ANOS1: variants seen among roughly 807,000 people sequenced by gnomAD.
ANOS1 encodes the protein anosmin 1, also known as anosmin-1.
A neutral mutation model predicts 59.0 loss-of-function variants in ANOS1; 6 were observed. That is an observed-to-expected ratio of 0.10 (90% CI 0.06 to 0.20). The LOEUF is 0.20. ANOS1 is among the 10% of genes least tolerant of loss of function. ANOS1 has a pLI of 1.00. For missense variants in ANOS1, 433 were observed against 542.3 expected, an observed-to-expected ratio of 0.80 and a Z score of 2.00; for synonymous variants, 217 against 223.4, an observed-to-expected ratio of 0.97 and a Z score of 0.25.
chrX:8,568,120 T>C, intron 8 of ANOS1, 112 bp downstream of exon 8: 2 of 762,492 alleles, frequency 2.6e-6, no homozygotes, highest in Non-Finnish European at 3.9e-6. Flanking sequence ...GTAAGAAGAT[T>C]TGCCATATAA....
At chrX:8,608,732 G>C (rs752421757) in intron 3 of ANOS1, among the ~76,000 whole-genome samples, 10 of 111,416 alleles carry the variant, frequency 9.0e-5, no homozygotes, top group Non-Finnish European at 1.3e-4. Context: ...AATCATGGGG[G>C]CAGTTTCCCC....
rs373134745 is a variant in ANOS1 at position 8,620,990 on chromosome X, C to T, written c.318+2618G>A. Among the ~76,000 whole-genome samples, 11 of 111,591 alleles carry T rather than the reference C, an allele frequency of 9.9e-5. No homozygotes were observed. In the East Asian group the frequency reaches 1.7e-3, roughly 17 times the overall value. ...CCTTCAATTATATCTTCCTTCTCAG[C>T]GATCAGATGTAAAAATATCAGCCCA... On this transcript the variant is annotated intron_variant, in intron 3 of 13. Transcript: ENST00000262648.
chrX:8,676,590 A>G (rs1932341137), intron 2 of ANOS1, among the ~76,000 whole-genome samples: 1 of 112,242 alleles, frequency 8.9e-6, no homozygotes, highest in Admixed American at 9.4e-5. Context: ...TAACTGTCAC[A>G]TAAAGACCTG....
intron 2 of ANOS1, among the ~76,000 whole-genome samples, chrX:8,633,679 A>G (rs5933673): frequency 0.37 from 41,117 of 110,860 alleles, 5,874 homozygotes; most frequent in Middle Eastern, 0.55. Flanking sequence ...AATGGGGGAA[A>G]AAAGCAAAAC....
chrX:8,633,060 C>T (rs1331616741), intron 2 of ANOS1, among the ~76,000 whole-genome samples: 1 of 111,565 alleles, frequency 9.0e-6, no homozygotes, highest in Non-Finnish European at 1.9e-5. Context: ...TCGAAAAGTG[C>T]ACTGTGTCTT....
At chrX:8,666,329 C>T (rs759493549) in intron 2 of ANOS1, among the ~76,000 whole-genome samples, 11 of 111,614 alleles carry the variant, frequency 9.9e-5, no homozygotes, top group East Asian at 5.6e-4. Context: ...AAGAATAACA[C>T]GGTTATAGGG....
At chrX:8,533,417 C>T (rs1314536053) in intron 13 of ANOS1, among the ~76,000 whole-genome samples, 1 of 112,301 alleles carries the variant, frequency 8.9e-6, no homozygotes, top group Non-Finnish European at 1.9e-5. Context: ...AAGCATTTAT[C>T]TGACAAAAAT....
rs1378071464 is a variant in ANOS1 at position 8,534,906 on chromosome X, T to C, written c.1843-446A>G. 2.3e-4 allele frequency among the ~76,000 whole-genome samples: 26 copies of C among 111,766 alleles called. No individual in the cohort carries two copies. The Admixed American group carries it at 2.5e-3, about 11-fold the overall frequency. ...CAATGCCCATAACTGAAAATGTTTATTTTTATGCCAACATATTCTTCTCAA... is the reference window on the plus strand; with the variant it reads ...CAATGCCCATAACTGAAAATGTTTACTTTTATGCCAACATATTCTTCTCAA... On this transcript the variant is annotated intron_variant, in intron 12 of 13. Coordinates refer to ENST00000262648, the MANE Select transcript of ANOS1 (RefSeq NM_000216.4).
At chrX:8,612,568 T>A (rs939920831) in intron 3 of ANOS1, among the ~76,000 whole-genome samples, 8 of 106,464 alleles carry the variant, frequency 7.5e-5, no homozygotes, top group Non-Finnish European at 1.2e-4. Context: ...TTTTTTTTTT[T>A]AAAGAAGCAC....
intron 9 of ANOS1, among the ~76,000 whole-genome samples, chrX:8,547,062 A>G (rs1929781335): frequency 8.9e-6 from 1 of 111,865 alleles, no homozygotes; most frequent in Admixed American, 9.5e-5. Context: ...TCTCTAATTC[A>G]TGATCTGATT....
chrX:8,698,375 A>G (rs1411987833), intron 2 of ANOS1, among the ~76,000 whole-genome samples: 3 of 112,422 alleles, frequency 2.7e-5, no homozygotes, highest in African/African-American at 9.7e-5. Context: ...TCTTGATGGA[A>G]TATGGAAAAA....
chrX:8,684,846 C>T (rs902580540), intron 2 of ANOS1, among the ~76,000 whole-genome samples: 1 of 110,841 alleles, frequency 9.0e-6, no homozygotes, highest in Non-Finnish European at 1.9e-5. Flanking sequence ...AAAAGACCCA[C>T]CTTCCTCAGC....
chrX:8,572,229 A>G, intron 6 of ANOS1, among the ~76,000 whole-genome samples: 1 of 110,312 alleles, frequency 9.1e-6, no homozygotes, highest in Admixed American at 9.7e-5. Flanking sequence ...AAATCAACCC[A>G]TCACCTAGGT....
chrX:8,603,955 G>A (rs1185898819), intron 3 of ANOS1, among the ~76,000 whole-genome samples: 1 of 111,624 alleles, frequency 9.0e-6, no homozygotes, highest in African/African-American at 3.3e-5. Context: ...ATCATTAGCA[G>A]TGGCAGTTGG....
intron 2 of ANOS1, among the ~76,000 whole-genome samples, chrX:8,685,597 GAAGA>G (rs557905634): frequency 0.12 from 6,735 of 56,946 alleles, 388 homozygotes; most frequent in Middle Eastern, 0.14. Flanking sequence ...AGAAAGAAAG[GAAGA>G]AAGAAAGAAA....
In ANOS1 at chrX:8,570,534, G is replaced by A. The variant is rs1280938291; in HGVS notation, c.1027C>T (p.Pro343Ser). 1 of 1,209,023 alleles carries A rather than the reference G, an allele frequency of 8.3e-7. No homozygotes were observed. Among genetic ancestry groups the A allele is most frequent in the Non-Finnish European group, 1.1e-6 (1 of 894,473 alleles). Residue 343 changes from proline (P) to serine (S), a missense_variant, in exon 7 of 14, where the codon CCA becomes TCA. Transcript: ENST00000262648. ...SWMVSSKSLVPTKKKRRKTTD... is the reference protein window; with the variant it reads ...SWMVSSKSLVSTKKKRRKTTD... ...GTCTTTCTCCGCTTCTTCTTTGTTGGGACAAGAGACTTACTGCTGACCATC... is the reference window on the plus strand; with the variant it reads ...GTCTTTCTCCGCTTCTTCTTTGTTGAGACAAGAGACTTACTGCTGACCATC...
intron 1 of ANOS1, among the ~76,000 whole-genome samples, chrX:8,719,156 A>G (rs1932858947): frequency 8.9e-6 from 1 of 111,739 alleles, no homozygotes; most frequent in South Asian, 3.8e-4. Context: ...TAAGCTGTGT[A>G]TTCTGTTAAA....
chrX:8,666,424 T>C (rs1180927353), intron 2 of ANOS1, among the ~76,000 whole-genome samples: 1 of 111,582 alleles, frequency 9.0e-6, no homozygotes. Context: ...TATTAGATTA[T>C]TTTCCCTATA....
intron 2 of ANOS1, 130 bp from the exon 3 acceptor site, chrX:8,623,800 T>G: frequency 1.9e-6 from 1 of 539,847 alleles, no homozygotes; most frequent in Non-Finnish European, 3.1e-6. Context: ...AACCAAAGAA[T>G]CAGCTGCTCT....
Sources: gnomAD v4.1 joint callset for allele counts (sites outside exome capture counted in the v4.1 genomes callset) on GRCh38, gnomAD v4.1.1 for gene constraint, MANE v1.5 for transcripts, NCBI Gene and HGNC (gene_info 2026-07-23, HGNC 2026-07-21) for gene names.